MSRA: variants seen among roughly 807,000 people sequenced by gnomAD.
MSRA encodes the protein methionine sulfoxide reductase A.
In MSRA, 54 loss-of-function variants were observed where a neutral mutation model predicts 31.3. That is an observed-to-expected ratio of 1.73 (90% CI 1.39 to 2.17). The LOEUF is 2.17. Among genes scored for constraint, MSRA ranks in the 30% most tolerant of loss-of-function variants. MSRA has a pLI of 0.00. For missense variants in MSRA, 507 were observed against 300.9 expected, an observed-to-expected ratio of 1.69 and a Z score of -5.07; for synonymous variants, 169 against 116.5, an observed-to-expected ratio of 1.45 and a Z score of -2.90.
chr8:10,310,775 G>A (rs1046281262), intron 4 of MSRA, among the ~76,000 whole-genome samples: 1 of 152,228 alleles, frequency 6.6e-6, no homozygotes, highest in African/African-American at 2.4e-5. Flanking sequence ...TGTTCTTTCT[G>A]TTGGGTAGCA....
chr8:10,198,986 G>T (rs1808243332), intron 1 of MSRA, among the ~76,000 whole-genome samples: 1 of 152,182 alleles, frequency 6.6e-6, no homozygotes, highest in Non-Finnish European at 1.5e-5. Flanking sequence ...TTTGCCATTT[G>T]CACGAATCAA....
At chr8:10,106,104 G>C (rs1277555834) in intron 1 of MSRA, among the ~76,000 whole-genome samples, 2 of 152,242 alleles carry the variant, frequency 1.3e-5, no homozygotes, top group Non-Finnish European at 2.9e-5. Flanking sequence ...CTGATGGTTT[G>C]CCACAGTCAT....
At chr8:10,402,617 G>A (rs1807537476) in intron 5 of MSRA, among the ~76,000 whole-genome samples, 1 of 152,192 alleles carries the variant, frequency 6.6e-6, no homozygotes. Flanking sequence ...TCGGGGAGAG[G>A]GATAGGGAGA....
At chr8:10,352,018 C>T (rs1433027538) in intron 5 of MSRA, among the ~76,000 whole-genome samples, 1 of 152,188 alleles carries the variant, frequency 6.6e-6, no homozygotes, top group African/African-American at 2.4e-5. Context: ...TTAGTCGAAT[C>T]ACTAAGATTT....
chr8:10,286,159 G>A (rs184316363), intron 3 of MSRA, among the ~76,000 whole-genome samples: 51 of 152,236 alleles, frequency 3.4e-4, no homozygotes, highest in African/African-American at 1.1e-3. Context: ...TATGGTGCTC[G>A]TCATTTTCAA....
chr8:10,237,151 T>A (rs1260155630), intron 2 of MSRA, among the ~76,000 whole-genome samples: 3 of 152,242 alleles, frequency 2.0e-5, no homozygotes, highest in African/African-American at 7.2e-5. Flanking sequence ...GTCTCATAAC[T>A]AGGTTGAGTT....
intron 1 of MSRA, among the ~76,000 whole-genome samples, chr8:10,080,335 G>A (rs1158635597): frequency 7.0e-6 from 1 of 143,586 alleles, no homozygotes; most frequent in Non-Finnish European, 1.5e-5. Context: ...TTTTTTTCCT[G>A]AAATTTCTTA....
chr8:10,174,947 C>G (rs930245043), intron 1 of MSRA, among the ~76,000 whole-genome samples: 4 of 152,256 alleles, frequency 2.6e-5, no homozygotes, highest in African/African-American at 9.6e-5. Flanking sequence ...CCTTGCCGAT[C>G]TTGCCCCTTT....
At chr8:10,118,603 G>C (rs923734465) in intron 1 of MSRA, among the ~76,000 whole-genome samples, 1 of 151,930 alleles carries the variant, frequency 6.6e-6, no homozygotes, top group Non-Finnish European at 1.5e-5. Flanking sequence ...ATCTCCCACC[G>C]CTCCGCCCAC....
intron 1 of MSRA, among the ~76,000 whole-genome samples, chr8:10,096,860 C>G (rs1299339900): frequency 6.6e-6 from 1 of 152,152 alleles, no homozygotes; most frequent in Non-Finnish European, 1.5e-5. Context: ...TTTTTAAAGA[C>G]AGTTTGACTT....
At chr8:10,403,385 T>A (rs1807586811) in intron 5 of MSRA, among the ~76,000 whole-genome samples, 1 of 152,174 alleles carries the variant, frequency 6.6e-6, no homozygotes. Context: ...CTCCACATGC[T>A]CATGCCATAC....
At chr8:10,074,647 T>C (rs969076471) in intron 1 of MSRA, among the ~76,000 whole-genome samples, 79 of 152,078 alleles carry the variant, frequency 5.2e-4, no homozygotes, top group Admixed American at 5.2e-4. Flanking sequence ...AATACACCCC[T>C]TCTTCTTCTT....
At chr8:10,421,485 T>G (rs1359832342) in intron 5 of MSRA, among the ~76,000 whole-genome samples, 1 of 151,958 alleles carries the variant, frequency 6.6e-6, no homozygotes, top group Non-Finnish European at 1.5e-5. Context: ...CCATCCTGCA[T>G]TTCCCAGGGT....
chr8:10,251,603 G>T (rs147053034), intron 3 of MSRA, among the ~76,000 whole-genome samples: 2,824 of 152,154 alleles, frequency 0.019, 86 homozygotes, highest in African/African-American at 0.064. Context: ...AAACCAAGAG[G>T]CAGAAAGCAG....
chr8:10,360,325 C>G (rs929704712), intron 5 of MSRA, among the ~76,000 whole-genome samples: 3 of 152,158 alleles, frequency 2.0e-5, no homozygotes, highest in African/African-American at 7.2e-5. Context: ...CAAAAAAGAA[C>G]AAAAAACAAA....
chr8:10,373,577 T>G (rs760205705), intron 5 of MSRA, among the ~76,000 whole-genome samples: 5 of 152,242 alleles, frequency 3.3e-5, no homozygotes, highest in Non-Finnish European at 4.4e-5. Context: ...TTGCTGCCTT[T>G]GTGGGCCCCA....
chr8:10,313,995 A>G (rs1190417728), intron 4 of MSRA, among the ~76,000 whole-genome samples: 5 of 152,244 alleles, frequency 3.3e-5, no homozygotes, highest in Admixed American at 2.0e-4. Context: ...CACACCATAC[A>G]CAAAAATCAA....
intron 5 of MSRA, among the ~76,000 whole-genome samples, chr8:10,326,033 T>C (rs918622663): frequency 3.3e-5 from 5 of 152,214 alleles, no homozygotes; most frequent in African/African-American, 1.2e-4. Flanking sequence ...ATACACTGCT[T>C]TCCTCTTCAG....
intron 2 of MSRA, among the ~76,000 whole-genome samples, chr8:10,230,185 C>T (rs1335919570): frequency 6.6e-6 from 1 of 152,196 alleles, no homozygotes; most frequent in Non-Finnish European, 1.5e-5. Flanking sequence ...GAGGGGGTTA[C>T]AGGGAAGCCA....
Sources: allele counts gnomAD v4.1 joint callset (sites outside exome capture counted in the v4.1 genomes callset), GRCh38; gene constraint gnomAD v4.1.1; transcripts MANE v1.5; gene names NCBI Gene and HGNC (gene_info 2026-07-23, HGNC 2026-07-21).